The following DNAH5 variants were observed in gnomAD, a reference collection of about 807,000 sequenced individuals.
DNAH5 encodes axonemal beta dynein heavy chain 5.
In DNAH5, 372 loss-of-function variants were observed where a neutral mutation model predicts 518.2. The observed-to-expected ratio is 0.72, with a 90% CI of 0.66 to 0.78. The LOEUF (loss-of-function observed/expected upper bound fraction) is 0.78, where lower values mean the gene tolerates loss of function less well. Ranked by LOEUF, DNAH5 falls within the 30% of genes least tolerant of loss-of-function variation. The probability of loss-of-function intolerance (pLI) is 0.00; values close to 1 mark genes in which losing one functional copy is unlikely to be tolerated. For missense variants in DNAH5, 5,523 were observed against 5,687.0 expected, an observed-to-expected ratio of 0.97 and a Z score of 0.93; for synonymous variants, 2,039 against 2,025.9, an observed-to-expected ratio of 1.01 and a Z score of -0.17.
In DNAH5 at chr5:13,721,144, G is replaced by A. The variant is rs1248105443; in HGVS notation, c.12135C>T (p.Leu4045=). 1 of 1,614,130 alleles carries A rather than the reference G, an allele frequency of 6.2e-7. No homozygotes were observed. The highest frequency in any genetic ancestry group is 8.5e-7 in the Non-Finnish European group (1 of 1,180,000). The part of the protein sequence containing the change: ...TWEESDPRTP[L]ICLLSMGSDP... ...CTGAGCCCATAGACAGGAGACAGAT[G>A]AGTGGCGTCCGTGGATCAGATTCCT... The change falls in exon 71 of 79, where the codon CTC becomes CTT. Residue 4045 remains leucine, a synonymous_variant. Transcript: ENST00000265104.
chr5:13,836,427 C>T (rs1022302093), intron 35 of DNAH5, among the ~76,000 whole-genome samples: 4 of 152,046 alleles, frequency 2.6e-5, no homozygotes, highest in Non-Finnish European at 5.9e-5. Flanking sequence ...TGAAGAGGAA[C>T]GAGTAGGAGC....
chr5:13,945,602 G>C (rs1431087700), upstream of DNAH5, among the ~76,000 whole-genome samples: 1 of 151,702 alleles, frequency 6.6e-6, no homozygotes, highest in Admixed American at 6.6e-5. Flanking sequence ...TTGTTTGCAG[G>C]ATTTTTTTTT....
At chr5:13,736,564 T>A (rs545866416) in intron 66 of DNAH5, among the ~76,000 whole-genome samples, 1 of 151,922 alleles carries the variant, frequency 6.6e-6, no homozygotes, top group Non-Finnish European at 1.5e-5. Flanking sequence ...CTGGCTAATT[T>A]TTTTTTCTCT....
At chr5:13,939,004 T>C (rs1303560147) in intron 1 of DNAH5, among the ~76,000 whole-genome samples, 1 of 152,210 alleles carries the variant, frequency 6.6e-6, no homozygotes, top group Non-Finnish European at 1.5e-5. Flanking sequence ...GACACCCAAA[T>C]GGTTTAGTTC....
intron 65 of DNAH5, among the ~76,000 whole-genome samples, chr5:13,738,219 A>T (rs1436408378): frequency 2.6e-5 from 4 of 151,592 alleles, no homozygotes. Context: ...CATCAGTTTC[A>T]AGTGATTGCT....
intron 78 of DNAH5, among the ~76,000 whole-genome samples, chr5:13,699,606 C>T (rs191186488): frequency 6.6e-6 from 1 of 152,238 alleles, no homozygotes; most frequent in Non-Finnish European, 1.5e-5. Context: ...CCCAGCTACT[C>T]AGGAGGCTGA....
At chr5:13,938,471 T>C (rs889275173) in intron 1 of DNAH5, among the ~76,000 whole-genome samples, 5 of 152,002 alleles carry the variant, frequency 3.3e-5, no homozygotes, top group African/African-American at 1.2e-4. Flanking sequence ...ATTATTATTG[T>C]TGTTGTTAAT....
chr5:13,885,819 C>T (rs543883673), intron 18 of DNAH5, 145 bp downstream of exon 18: 13 of 798,390 alleles, frequency 1.6e-5, no homozygotes, highest in African/African-American at 8.7e-5. Context: ...ATGCTCAGGG[C>T]CATAATTTCA....
chr5:13,883,647 T>C (rs1771973386), intron 19 of DNAH5, among the ~76,000 whole-genome samples: 1 of 152,236 alleles, frequency 6.6e-6, no homozygotes, highest in Non-Finnish European at 1.5e-5. Flanking sequence ...TATAGGTATG[T>C]AGATACAGAC....
rs1204867397 is a variant in DNAH5, at chr5:13,690,666, A to G, written c.*1318T>C. ...CAGATCCAGAGCTAACCAAAAGTTT[A>G]TAAACCACAATTCTAATTTAGTACT... On this transcript the variant is annotated 3_prime_UTR_variant, in exon 79 of 79. Transcript: ENST00000265104. 1.3e-5 allele frequency: 2 copies of G among 152,244 alleles called. No individual in the cohort carries two copies. Among genetic ancestry groups the G allele is most frequent in the Non-Finnish European group, 2.9e-5 (2 of 68,046 alleles). The allele number at this position is 152,244 out of a possible 1,614,324, so 9.4% of individuals were successfully genotyped here. A position where few individuals can be genotyped will look rare whatever the true frequency, so the allele number is the denominator to read the frequency against.
chr5:13,921,629 G>A (rs1292753261), intron 5 of DNAH5, among the ~76,000 whole-genome samples: 3 of 151,576 alleles, frequency 2.0e-5, no homozygotes, highest in Non-Finnish European at 2.9e-5. Context: ...TATTCTTAAA[G>A]GCCCTTTTGA....
chr5:13,763,579 T>C (rs1752067924), intron 59 of DNAH5, among the ~76,000 whole-genome samples: 1 of 152,216 alleles, frequency 6.6e-6, no homozygotes, highest in Non-Finnish European at 1.5e-5. Flanking sequence ...AAATTGGATC[T>C]TTTAAAAGTG....
At chr5:13,924,442 G>A (rs138968098) in intron 3 of DNAH5, among the ~76,000 whole-genome samples, 256 of 152,256 alleles carry the variant, frequency 1.7e-3, no homozygotes, top group African/African-American at 5.9e-3. Context: ...TTGGGAGGCC[G>A]AGGCGGGTGA....
At chr5:13,845,309 T>C (rs1765829775) in intron 31 of DNAH5, among the ~76,000 whole-genome samples, 1 of 60,612 alleles carries the variant, frequency 1.6e-5, no homozygotes, top group South Asian at 4.5e-4. Context: ...ATAAAAACAC[T>C]ATGTAGAGAG....
chr5:13,998,479 A>T (rs1784119678), intron 1 of DNAH5, among the ~76,000 whole-genome samples: 1 of 152,242 alleles, frequency 6.6e-6, no homozygotes, highest in African/African-American at 2.4e-5. Context: ...ACACATGCGC[A>T]TTGAACACAT....
chr5:13,864,352 T>C (rs1243969589), intron 28 of DNAH5, 45 bp downstream of exon 28: 1 of 1,610,708 alleles, frequency 6.2e-7, no homozygotes, highest in Non-Finnish European at 8.5e-7. Flanking sequence ...TGTTATCAAA[T>C]AAATCCCATG....
chr5:13,714,373 G>A (rs1207982005), intron 75 of DNAH5, 32 bp downstream of exon 75: 9 of 1,604,872 alleles, frequency 5.6e-6, no homozygotes, highest in Admixed American at 3.3e-5. Flanking sequence ...TGCAACCCCA[G>A]CTGACATTTT....
At chr5:13,906,938 A>C (rs1263916307) in intron 12 of DNAH5, among the ~76,000 whole-genome samples, 1 of 152,218 alleles carries the variant, frequency 6.6e-6, no homozygotes, top group Non-Finnish European at 1.5e-5. Context: ...AAATAACAGA[A>C]TAAATTCCAA....
At chr5:13,814,126 A>G (rs550237408) in intron 43 of DNAH5, among the ~76,000 whole-genome samples, 2 of 152,182 alleles carry the variant, frequency 1.3e-5, no homozygotes, top group African/African-American at 4.8e-5. Flanking sequence ...TGTTATCTGA[A>G]ATATTATTGC....
Sources: gnomAD v4.1 joint callset for allele counts (sites outside exome capture counted in the v4.1 genomes callset) on GRCh38, gnomAD v4.1.1 for gene constraint, MANE v1.5 for transcripts, NCBI Gene and HGNC (gene_info 2026-07-23, HGNC 2026-07-21) for gene names.